MAGI3: variants seen among roughly 807,000 people sequenced by gnomAD.
MAGI3 encodes the protein membrane-associated guanylate kinase, WW and PDZ domain-containing protein 3.
MAGI3 carries 43 observed loss-of-function variants against 121.8 expected under a neutral mutation model. The observed-to-expected ratio is 0.35, with a 90% CI of 0.28 to 0.46. MAGI3 has a LOEUF of 0.46. Ranked by LOEUF, MAGI3 falls within the 20% of genes least tolerant of loss-of-function variation. The probability of loss-of-function intolerance (pLI) is 1.00; values close to 1 mark genes in which losing one functional copy is unlikely to be tolerated. For missense variants in MAGI3, 1,547 were observed against 1,797.3 expected, an observed-to-expected ratio of 0.86 and a Z score of 2.52; for synonymous variants, 553 against 639.3, an observed-to-expected ratio of 0.86 and a Z score of 2.04.
At chr1:113,523,662 G>A (rs1291402057) in intron 1 of MAGI3, among the ~76,000 whole-genome samples, 1 of 152,198 alleles carries the variant, frequency 6.6e-6, no homozygotes, top group Non-Finnish European at 1.5e-5. Context: ...AAGCATTCAA[G>A]GGGTGACTTG....
intron 6 of MAGI3, among the ~76,000 whole-genome samples, chr1:113,614,184 G>T (rs2101774654): frequency 6.6e-6 from 1 of 152,208 alleles, no homozygotes; most frequent in East Asian, 1.9e-4. Context: ...TTCCTTTGAG[G>T]AGAAGTGGGT....
At chr1:113,489,908 G>A (rs568245707) in intron 1 of MAGI3, among the ~76,000 whole-genome samples, 10 of 152,206 alleles carry the variant, frequency 6.6e-5, no homozygotes, top group Non-Finnish European at 1.3e-4. Flanking sequence ...CCAAATTTAT[G>A]ACTCATTGGT....
intron 1 of MAGI3, among the ~76,000 whole-genome samples, chr1:113,464,330 C>G (rs1283974285): frequency 6.6e-6 from 1 of 152,076 alleles, no homozygotes; most frequent in Non-Finnish European, 1.5e-5. Context: ...GACAGGATTT[C>G]CTTCTTTTTT....
intron 3 of MAGI3, among the ~76,000 whole-genome samples, chr1:113,581,587 C>A (rs1452902903): frequency 6.6e-6 from 1 of 152,022 alleles, no homozygotes; most frequent in Admixed American, 6.6e-5. Context: ...TCACTTTCAC[C>A]ACCTCATTGT....
In MAGI3 at chr1:113,456,515, A is replaced by T. The variant is rs560247095; in HGVS notation, c.316+65166A>T. On this transcript the variant is annotated intron_variant, in intron 1 of 20. Coordinates refer to ENST00000307546, the MANE Select transcript of MAGI3 (RefSeq NM_001142782.2). ...AGACCTAGTTCAGTCATGAATATGGATGGGAAAAGTCAATATAAAATTCTA... is the reference window on the plus strand; with the variant it reads ...AGACCTAGTTCAGTCATGAATATGGTTGGGAAAAGTCAATATAAAATTCTA... Among the ~76,000 whole-genome samples, 295 of 152,332 alleles carry T rather than the reference A, an allele frequency of 1.9e-3. 1 individual carries two copies. Among genetic ancestry groups the T allele is most frequent in the African/African-American group, 6.6e-3 (275 of 41,572 alleles).
At chr1:113,466,774 T>C (rs1394463452) in intron 1 of MAGI3, among the ~76,000 whole-genome samples, 2 of 152,134 alleles carry the variant, frequency 1.3e-5, no homozygotes, top group Non-Finnish European at 2.9e-5. Context: ...TAGTCTCTAA[T>C]GATTCTATTT....
chr1:113,415,768 T>C (rs1334827796), intron 1 of MAGI3, among the ~76,000 whole-genome samples: 1 of 152,006 alleles, frequency 6.6e-6, no homozygotes, highest in East Asian at 1.9e-4. Context: ...TTGTACTTCT[T>C]TTTAAGCTTC....
At position 113,646,468 on chromosome 1, in the gene MAGI3, G is replaced by A. The variant is rs775030205; in HGVS notation, c.1999-18G>A. The A allele has an allele frequency of 1.8e-5, 28 of 1,573,750 alleles. No individual in the cohort carries two copies. The highest frequency in any genetic ancestry group is 2.3e-5 in the Non-Finnish European group (27 of 1,162,960). ...CTGCTTTTTAAAAAATACTAAGTAA[G>A]GCTCTTTTCCATTTCAGAAAACAGA... On this transcript the variant is annotated intron_variant, in intron 11 of 20. Coordinates refer to ENST00000307546, the MANE Select transcript of MAGI3 (RefSeq NM_001142782.2).
rs370836416 is a variant in MAGI3 at position 113,682,960 on chromosome 1, C to T, written c.3392C>T (p.Pro1131Leu). Residue 1131 changes from proline (P) to leucine (L), a missense_variant, in exon 21 of 21, where the codon CCC becomes CTC. Transcript: ENST00000307546. ...NVIYDEQSPLPPSSHFASIFE... is the reference protein window; with the variant it reads ...NVIYDEQSPLLPSSHFASIFE... The stretch of plus-strand genomic sequence containing the variant: ...ATTTATGATGAACAGTCACCATTAC[C>T]CCCATCTTCACATTTTGCTTCCATA... 5.0e-6 allele frequency: 8 copies of T among 1,612,768 alleles called. No homozygotes were observed. Among genetic ancestry groups the T allele is most frequent in the Non-Finnish European group, 6.8e-6 (8 of 1,179,614 alleles).
chr1:113,630,664 G>A (rs912652307), intron 9 of MAGI3, among the ~76,000 whole-genome samples: 1 of 152,194 alleles, frequency 6.6e-6, no homozygotes, highest in African/African-American at 2.4e-5. Flanking sequence ...TCTTGAGCAG[G>A]CAGGTGATGA....
chr1:113,456,667 G>A (rs1368844227), intron 1 of MAGI3, among the ~76,000 whole-genome samples: 1 of 152,172 alleles, frequency 6.6e-6, no homozygotes, highest in African/African-American at 2.4e-5. Flanking sequence ...CCACAAAAGA[G>A]TTTGATAAAA....
At chr1:113,407,580 T>C (rs1651756457) in intron 1 of MAGI3, among the ~76,000 whole-genome samples, 1 of 152,056 alleles carries the variant, frequency 6.6e-6, no homozygotes, top group Non-Finnish European at 1.5e-5. Context: ...GTCTTTTTTT[T>C]TTTTATGCCT....
At chr1:113,673,229 A>C (rs80014561) in intron 18 of MAGI3, 93 bp from the exon 19 acceptor site, 1 of 1,416,266 alleles carries the variant, frequency 7.1e-7, no homozygotes, top group East Asian at 2.3e-5. Context: ...TGAGAGTATA[A>C]ATCATTTCTT....
chr1:113,622,362 A>T (rs1259019033), intron 8 of MAGI3, among the ~76,000 whole-genome samples: 7 of 151,928 alleles, frequency 4.6e-5, no homozygotes, highest in Admixed American at 1.3e-4. Flanking sequence ...TTTTTCCTAA[A>T]TTATCCACTA....
chr1:113,676,853 G>A (rs753374577), intron 19 of MAGI3, among the ~76,000 whole-genome samples: 3 of 152,066 alleles, frequency 2.0e-5, no homozygotes, highest in South Asian at 2.1e-4. Flanking sequence ...CTGATATGGT[G>A]CCTTGAATAT....
intron 1 of MAGI3, among the ~76,000 whole-genome samples, chr1:113,474,518 G>C (rs541493581): frequency 6.6e-6 from 1 of 152,140 alleles, no homozygotes; most frequent in Non-Finnish European, 1.5e-5. Flanking sequence ...TATTACATAG[G>C]GAATCCTATC....
At chr1:113,487,657 C>T (rs1451567616) in intron 1 of MAGI3, among the ~76,000 whole-genome samples, 1 of 151,450 alleles carries the variant, frequency 6.6e-6, no homozygotes, top group Non-Finnish European at 1.5e-5. Context: ...GAAAATAATA[C>T]ATTATAACAA....
At chr1:113,481,462 A>G (rs1414824875) in intron 1 of MAGI3, among the ~76,000 whole-genome samples, 1 of 152,162 alleles carries the variant, frequency 6.6e-6, no homozygotes, top group Non-Finnish European at 1.5e-5. Flanking sequence ...CTAATTCACT[A>G]TATATATAAA....
chr1:113,668,943 G>A (rs1647353332), intron 16 of MAGI3, among the ~76,000 whole-genome samples: 1 of 152,226 alleles, frequency 6.6e-6, no homozygotes, highest in South Asian at 2.1e-4. Context: ...GAACTGAAAT[G>A]TCTCATCTGG....
Sources: gnomAD v4.1 joint callset for allele counts (sites outside exome capture counted in the v4.1 genomes callset) on GRCh38, gnomAD v4.1.1 for gene constraint, MANE v1.5 for transcripts, NCBI Gene and HGNC (gene_info 2026-07-23, HGNC 2026-07-21) for gene names.